Variants in PLCL1 observed in about 807,000 individuals in gnomAD.
The protein encoded by PLCL1 is inactive phospholipase C-like protein 1.
PLCL1 carries 41 observed loss-of-function variants against 84.4 expected under a neutral mutation model. The ratio of observed to expected loss-of-function variants is 0.49; its 90% CI spans 0.38 to 0.63. The LOEUF (loss-of-function observed/expected upper bound fraction) is 0.63. PLCL1 is among the 30% of genes least tolerant of loss of function. The pLI, the probability that PLCL1 is intolerant of heterozygous loss-of-function variation, is 0.00. For synonymous variants in PLCL1, 490 were observed against 488.3 expected (o/e 1.00, Z -0.05); for missense variants, 1,206 against 1,367.8 (o/e 0.88, Z 1.87).
intron 1 of PLCL1, among the ~76,000 whole-genome samples, chr2:197,829,848 G>T (rs1691018892): frequency 6.6e-6 from 1 of 152,158 alleles, no homozygotes; most frequent in Admixed American, 6.6e-5. Context: ...TCCCATGAGT[G>T]ACAGTGGTTG....
chr2:197,821,318 G>A (rs1273921599), intron 1 of PLCL1, among the ~76,000 whole-genome samples: 2 of 152,116 alleles, frequency 1.3e-5, no homozygotes, highest in Non-Finnish European at 2.9e-5. Context: ...GAACTTCTGA[G>A]CTTTTGAAGT....
chr2:198,043,749 G>C (rs945418761), intron 1 of PLCL1, among the ~76,000 whole-genome samples: 1 of 152,136 alleles, frequency 6.6e-6, no homozygotes, highest in Non-Finnish European at 1.5e-5. Flanking sequence ...GGGGGAGGTG[G>C]CAGAGAAGGG....
At chr2:197,866,527 T>G (rs1429418434) in intron 1 of PLCL1, among the ~76,000 whole-genome samples, 16 of 152,090 alleles carry the variant, frequency 1.1e-4, no homozygotes, top group Admixed American at 9.2e-4. Context: ...CTTTCTACTG[T>G]CAGCACCTGC....
chr2:197,971,023 A>G (rs1689852971), intron 1 of PLCL1, among the ~76,000 whole-genome samples: 1 of 152,266 alleles, frequency 6.6e-6, no homozygotes, highest in African/African-American at 2.4e-5. Context: ...GGTTATGCCC[A>G]TTAAATACTT....
At chr2:197,833,890 G>A (rs1691124807) in intron 1 of PLCL1, among the ~76,000 whole-genome samples, 1 of 152,172 alleles carries the variant, frequency 6.6e-6, no homozygotes, top group South Asian at 2.1e-4. Context: ...AAAGCTGGAG[G>A]CATCATGCTA....
chr2:198,060,799 G>A (rs1156564328), intron 1 of PLCL1, among the ~76,000 whole-genome samples: 1 of 152,094 alleles, frequency 6.6e-6, no homozygotes, highest in African/African-American at 2.4e-5. Flanking sequence ...TTATAAAATA[G>A]TGGTAGATGT....
At position 197,972,407 on chromosome 2, in the gene PLCL1, A is replaced by AT. The variant is rs915614907; in HGVS notation, c.241-111343dup. Among the ~76,000 whole-genome samples, 7 of 151,952 alleles carry AT rather than the reference A, an allele frequency of 4.6e-5. No homozygotes were observed. The East Asian group carries it at 7.7e-4, about 17-fold the overall frequency. On this transcript the variant is annotated intron_variant, in intron 1 of 5. Transcript: ENST00000428675. The stretch of plus-strand genomic sequence containing the variant: ...ACAAGATGTGAGATGAGAAAAGGAG[A>AT]TTTTTTTTCCCCAAGAGATGCGACC...
chr2:198,001,918 C>T (rs1163085275), intron 1 of PLCL1: 1 of 406,360 alleles, frequency 2.5e-6, no homozygotes, highest in South Asian at 1.8e-5. Flanking sequence ...AATCTAATGA[C>T]TGATGATCTG....
intron 5 of PLCL1, among the ~76,000 whole-genome samples, chr2:198,129,689 A>G (rs964862448): frequency 6.6e-6 from 1 of 152,148 alleles, no homozygotes; most frequent in Non-Finnish European, 1.5e-5. Flanking sequence ...AACAATATGT[A>G]TACAAACGGG....
intron 1 of PLCL1, among the ~76,000 whole-genome samples, chr2:197,882,516 T>C (rs533146522): frequency 1.3e-3 from 192 of 152,146 alleles, no homozygotes; most frequent in African/African-American, 4.3e-3. Flanking sequence ...TTCTTTTCTT[T>C]TCATTATTTT....
rs527628842 is a variant in PLCL1, at chr2:198,091,193, T to C, written c.2919+2132T>C. ...ATTAAAAACACCATTGACATCTCTGTTGAGTATTTATTTGGGGGATGGGGT... is the reference window on the plus strand; with the variant it reads ...ATTAAAAACACCATTGACATCTCTGCTGAGTATTTATTTGGGGGATGGGGT... On this transcript the variant is annotated intron_variant, in intron 3 of 5. Coordinates refer to ENST00000428675, the MANE Select transcript of PLCL1 (RefSeq NM_006226.4). 3.9e-5 allele frequency among the ~76,000 whole-genome samples: 6 copies of C among 152,300 alleles called. No homozygotes were observed. In the South Asian group the frequency reaches 1.0e-3, roughly 26 times the overall value.
chr2:197,945,220 T>C (rs1349071866), intron 1 of PLCL1, among the ~76,000 whole-genome samples: 2 of 152,202 alleles, frequency 1.3e-5, no homozygotes, highest in Non-Finnish European at 2.9e-5. Flanking sequence ...ATTACAGCAG[T>C]TCATGGCAGG....
intron 1 of PLCL1, among the ~76,000 whole-genome samples, chr2:198,000,214 T>C (rs1690569350): frequency 6.6e-6 from 1 of 152,208 alleles, no homozygotes; most frequent in Non-Finnish European, 1.5e-5. Context: ...TTAATTGCGA[T>C]ACTTTGCACC....
At chr2:197,866,421 A>G (rs927902958) in intron 1 of PLCL1, among the ~76,000 whole-genome samples, 1 of 151,874 alleles carries the variant, frequency 6.6e-6, no homozygotes, top group Non-Finnish European at 1.5e-5. Flanking sequence ...ATTCTAGTGG[A>G]TAAACAAGAA....
intron 2 of PLCL1, 118 bp from the exon 3 acceptor site, chr2:198,088,740 T>A: frequency 1.3e-6 from 1 of 748,384 alleles, no homozygotes; most frequent in Non-Finnish European, 2.4e-6. Context: ...TGAAGTATAG[T>A]TATGAATTAG....
chr2:197,958,013 CA>C (rs999594470), intron 1 of PLCL1, among the ~76,000 whole-genome samples: 6 of 152,016 alleles, frequency 3.9e-5, no homozygotes, highest in Non-Finnish European at 8.8e-5. Flanking sequence ...TCTAAATGAT[CA>C]AAAAGACCAT....
At chr2:197,827,010 A>G (rs943868647) in intron 1 of PLCL1, among the ~76,000 whole-genome samples, 2 of 152,066 alleles carry the variant, frequency 1.3e-5, no homozygotes, top group Non-Finnish European at 2.9e-5. Flanking sequence ...TCTTGGGTCT[A>G]CCTACTAAAT....
intron 1 of PLCL1, among the ~76,000 whole-genome samples, chr2:197,809,138 A>G (rs374248846): frequency 6.6e-6 from 1 of 152,182 alleles, no homozygotes; most frequent in African/African-American, 2.4e-5. Context: ...GGCTTTCCTC[A>G]GAGAGGCAAG....
chr2:198,023,687 C>A (rs540111715), intron 1 of PLCL1, among the ~76,000 whole-genome samples: 1 of 152,274 alleles, frequency 6.6e-6, no homozygotes, highest in South Asian at 2.1e-4. Flanking sequence ...CAAATTAAAA[C>A]CATAATGAGA....
Sources: gnomAD v4.1 joint callset for allele counts (sites outside exome capture counted in the v4.1 genomes callset) on GRCh38, gnomAD v4.1.1 for gene constraint, MANE v1.5 for transcripts, NCBI Gene and HGNC (gene_info 2026-07-23, HGNC 2026-07-21) for gene names.